CFAP299: variants seen among roughly 807,000 people sequenced by gnomAD.
CFAP299 encodes cilia and flagella associated protein 299.
In CFAP299, 21 loss-of-function variants were observed where a neutral mutation model predicts 27.0. The observed-to-expected ratio is 0.78, with a 90% CI of 0.55 to 1.12. The LOEUF (loss-of-function observed/expected upper bound fraction) is 1.12, where lower values mean the gene tolerates loss of function less well. Ranked by LOEUF, CFAP299 falls within the 50% of genes most tolerant of loss-of-function variation. The probability of loss-of-function intolerance (pLI) is 0.00; values close to 1 mark genes in which losing one functional copy is unlikely to be tolerated. For missense variants in CFAP299, 310 were observed against 276.6 expected (o/e 1.12, Z -0.86); for synonymous variants, 104 against 98.1 (o/e 1.06, Z -0.36).
At chr4:80,362,690 A>G (rs1271098770) in intron 1 of CFAP299, 64 bp from the exon 2 acceptor site, 2 of 1,500,022 alleles carry the variant, frequency 1.3e-6, no homozygotes, top group Non-Finnish European at 1.8e-6. Context: ...GTAAGATATA[A>G]GTAAGTAAGT....
chr4:80,376,712 T>C (rs777822711), intron 2 of CFAP299, among the ~76,000 whole-genome samples: 12 of 152,214 alleles, frequency 7.9e-5, no homozygotes, highest in Admixed American at 6.5e-4. Context: ...GACAATGCAA[T>C]GGCATGATTT....
rs961287543 is a variant in CFAP299 at position 80,408,835 on chromosome 4, GGT to G, written c.242+45952_242+45953del. 3.6e-3 allele frequency among the ~76,000 whole-genome samples: 8 copies of G among 2,192 alleles called. No homozygotes were observed. In the South Asian group the frequency reaches 0.21, roughly 59 times the overall value. 1.4% of individuals were successfully genotyped at this position (2,192 alleles called of 152,430 possible). A position where few individuals can be genotyped will look rare whatever the true frequency, so the allele number is the denominator to read the frequency against. ...TTAGAACAAAAACATAACTTTTGCT[GGT>G]TTTTTTTCCCAAATCATTGTAACGT... On this transcript the variant is annotated intron_variant, in intron 2 of 5. Transcript: ENST00000358105.
intron 3 of CFAP299, among the ~76,000 whole-genome samples, chr4:80,759,178 T>C (rs1373784704): frequency 6.6e-6 from 1 of 152,176 alleles, no homozygotes; most frequent in Non-Finnish European, 1.5e-5. Flanking sequence ...TATTTATTTA[T>C]TTATATGATA....
chr4:80,383,912 T>C (rs1724838818), intron 2 of CFAP299, among the ~76,000 whole-genome samples: 1 of 152,162 alleles, frequency 6.6e-6, no homozygotes, highest in African/African-American at 2.4e-5. Flanking sequence ...TCAGAATTAA[T>C]ATTGTTCTTG....
chr4:80,603,449 CAT>C (rs780472807), intron 3 of CFAP299, among the ~76,000 whole-genome samples: 2 of 152,116 alleles, frequency 1.3e-5, no homozygotes, highest in African/African-American at 2.4e-5. Context: ...CACGCACAAA[CAT>C]ATGTGTACAT....
chr4:80,459,166 T>A (rs1002665780), intron 2 of CFAP299, among the ~76,000 whole-genome samples: 15 of 152,054 alleles, frequency 9.9e-5, no homozygotes, highest in Non-Finnish European at 1.6e-4. Context: ...CAATTTTAGT[T>A]TTTTGTAGAG....
Position 80,450,076 on chromosome 4 carries a change from T to A in CFAP299, c.242+87192T>A, listed in dbSNP as rs139701624. Among the ~76,000 whole-genome samples the A allele has an allele frequency of 3.7e-4, 57 of 152,272 alleles. 1 individual carries two copies. The highest frequency in any genetic ancestry group is 3.4e-3 in the Middle Eastern group (1 of 294). ...AAAGTAATCTATATTGGCACAATGT[T>A]TTTCCAAGCATTATTTTGAGATTGC... On this transcript the variant is annotated intron_variant, in intron 2 of 5. Transcript: ENST00000358105.
chr4:80,397,166 G>A (rs895300618), intron 2 of CFAP299, among the ~76,000 whole-genome samples: 139 of 152,050 alleles, frequency 9.1e-4, no homozygotes, highest in African/African-American at 3.1e-3. Context: ...GTTTATTTGC[G>A]TAGAGGTGTT....
intron 4 of CFAP299, among the ~76,000 whole-genome samples, chr4:80,910,398 A>G (rs978829233): frequency 6.6e-6 from 1 of 152,180 alleles, no homozygotes; most frequent in Non-Finnish European, 1.5e-5. Flanking sequence ...CATTGTTCAC[A>G]ATGGCAAAGA....
chr4:80,462,865 T>C (rs1729511215), intron 2 of CFAP299, among the ~76,000 whole-genome samples: 1 of 152,112 alleles, frequency 6.6e-6, no homozygotes, highest in Non-Finnish European at 1.5e-5. Flanking sequence ...TAACAGCATA[T>C]ATAGGAAATT....
intron 2 of CFAP299, among the ~76,000 whole-genome samples, chr4:80,437,335 T>A (rs1227978221): frequency 6.6e-6 from 1 of 152,284 alleles, no homozygotes; most frequent in South Asian, 2.1e-4. Flanking sequence ...TGCCCACTAC[T>A]AATAAGCTAG....
chr4:80,433,683 A>G (rs1036106305), intron 2 of CFAP299, among the ~76,000 whole-genome samples: 1 of 152,176 alleles, frequency 6.6e-6, no homozygotes, highest in Non-Finnish European at 1.5e-5. Flanking sequence ...ACTTTGTACA[A>G]TGTAACATTT....
chr4:80,853,551 T>G (rs1238405892), intron 3 of CFAP299, among the ~76,000 whole-genome samples: 1 of 152,150 alleles, frequency 6.6e-6, no homozygotes, highest in African/African-American at 2.4e-5. Flanking sequence ...AAAGGCCATT[T>G]TTGGCAGAAA....
chr4:80,331,007 A>C (rs751625817), upstream of CFAP299, among the ~76,000 whole-genome samples: 2 of 152,250 alleles, frequency 1.3e-5, no homozygotes, highest in Non-Finnish European at 2.9e-5. Flanking sequence ...TATAATAATC[A>C]AGATATTGCA....
At chr4:80,530,248 A>C (rs1367111616) in intron 2 of CFAP299, among the ~76,000 whole-genome samples, 1 of 152,176 alleles carries the variant, frequency 6.6e-6, no homozygotes, top group Non-Finnish European at 1.5e-5. Context: ...TGTCAAGTGC[A>C]GCAGATATAT....
chr4:80,486,505 G>T (rs1481785022), intron 2 of CFAP299, among the ~76,000 whole-genome samples: 3 of 152,166 alleles, frequency 2.0e-5, no homozygotes, highest in African/African-American at 7.2e-5. Context: ...ACTTGTCTTT[G>T]GTTGCCAGAA....
chr4:80,438,366 G>A (rs1453578002), intron 2 of CFAP299, among the ~76,000 whole-genome samples: 2 of 152,192 alleles, frequency 1.3e-5, no homozygotes, highest in Non-Finnish European at 2.9e-5. Flanking sequence ...GAATGGCAGG[G>A]AGGCTACTCT....
chr4:80,686,404 T>G (rs867104951), intron 3 of CFAP299, among the ~76,000 whole-genome samples: 2 of 152,226 alleles, frequency 1.3e-5, no homozygotes, highest in Non-Finnish European at 2.9e-5. Context: ...TTCTGTGCTT[T>G]CTTTTGCCTC....
Position 80,736,069 on chromosome 4 carries a change from GA to G in CFAP299, c.334-133922del, listed in dbSNP as rs572054748. Among the ~76,000 whole-genome samples the G allele has an allele frequency of 2.4e-3, 371 of 152,222 alleles. 1 individual carries two copies. Among genetic ancestry groups the G allele is most frequent in the African/African-American group, 8.5e-3 (353 of 41,546 alleles). On this transcript the variant is annotated intron_variant, in intron 3 of 5. Transcript: ENST00000358105. ...TGGTGGTAGTTTCTTTTGCTGAGCA[GA>G]AGCTCTTTAGTTTAATTAGATCCCA...
Sources: allele counts gnomAD v4.1 joint callset (sites outside exome capture counted in the v4.1 genomes callset), GRCh38; gene constraint gnomAD v4.1.1; transcripts MANE v1.5; gene names NCBI Gene and HGNC (gene_info 2026-07-23, HGNC 2026-07-21).